The following CREB5 variants were observed in gnomAD, a reference collection of about 807,000 sequenced individuals.
CREB5 encodes cyclic AMP-responsive element-binding protein 5.
In CREB5, 19 loss-of-function variants were observed where a neutral mutation model predicts 57.1. The observed-to-expected ratio is 0.33, with a 90% confidence interval of 0.23 to 0.49. The LOEUF (loss-of-function observed/expected upper bound fraction) is 0.49. CREB5 is among the 20% of genes least tolerant of loss of function. The pLI is 0.99. For missense variants in CREB5, 579 were observed against 671.6 expected (o/e 0.86, Z 1.52); for synonymous variants, 238 against 238.3 (o/e 1.00, Z 0.01).
At chr7:28,529,816 C>G (rs1793643733) in intron 4 of CREB5, among the ~76,000 whole-genome samples, 1 of 152,194 alleles carries the variant, frequency 6.6e-6, no homozygotes, top group South Asian at 2.1e-4. Flanking sequence ...AAGACATGCT[C>G]AGCTCCAACA....
rs996003315 is a variant in CREB5 at position 28,355,937 on chromosome 7, C to T, written c.-25+56496C>T. 3.3e-5 allele frequency among the ~76,000 whole-genome samples: 5 copies of T among 152,264 alleles called. No homozygotes were observed. The South Asian group carries it at 6.2e-4, about 19-fold the overall frequency. On this transcript the variant is annotated intron_variant, in intron 1 of 9. Transcript: ENST00000396299. Reference sequence around the variant, plus strand: ...TTCTGAAGAAACGAGTGACTCAAGTCGTCCATCAGGGCAATTCGTTGTGAG... The same window carrying T: ...TTCTGAAGAAACGAGTGACTCAAGTTGTCCATCAGGGCAATTCGTTGTGAG...
chr7:28,405,875 A>T (rs1787568668), intron 1 of CREB5, among the ~76,000 whole-genome samples: 1 of 152,118 alleles, frequency 6.6e-6, no homozygotes, highest in Admixed American at 6.6e-5. Flanking sequence ...GTAGGTGGGG[A>T]GTTCCCCAGA....
chr7:28,739,612 G>T (rs555148816), intron 7 of CREB5, among the ~76,000 whole-genome samples: 1 of 152,322 alleles, frequency 6.6e-6, no homozygotes, highest in African/African-American at 2.4e-5. Flanking sequence ...CAAGGTAGGG[G>T]TCATAAAATA....
intron 1 of CREB5, among the ~76,000 whole-genome samples, chr7:28,318,520 T>G (rs759511652): frequency 1.4e-4 from 21 of 152,252 alleles, no homozygotes; most frequent in Non-Finnish European, 2.4e-4. Flanking sequence ...AGAAAAAGTA[T>G]GACTAACAAT....
intron 2 of CREB5, among the ~76,000 whole-genome samples, chr7:28,490,042 A>G (rs1583529480): frequency 6.6e-6 from 1 of 152,240 alleles, no homozygotes; most frequent in East Asian, 1.9e-4. Context: ...AAAGGGAATC[A>G]GATAATTTGA....
chr7:28,588,288 C>T (rs1796372484), intron 5 of CREB5, among the ~76,000 whole-genome samples: 1 of 152,200 alleles, frequency 6.6e-6, no homozygotes, highest in African/African-American at 2.4e-5. Flanking sequence ...AAGGCCTCTG[C>T]TGTTCATGGT....
chr7:28,314,667 G>A (rs1031848186), intron 1 of CREB5, among the ~76,000 whole-genome samples: 3 of 152,280 alleles, frequency 2.0e-5, no homozygotes, highest in African/African-American at 7.2e-5. Context: ...TTAGTGAGCA[G>A]CGACACACTA....
intron 1 of CREB5, among the ~76,000 whole-genome samples, chr7:28,377,478 T>C (rs1183142501): frequency 6.6e-6 from 1 of 152,084 alleles, no homozygotes. Flanking sequence ...TGGCATTATA[T>C]TCCTACTAGA....
rs34257489 is a variant in CREB5 at position 28,756,557 on chromosome 7, CA to C, written c.702+32238del. Among the ~76,000 whole-genome samples, 61 of 140,674 alleles carry C rather than the reference CA, an allele frequency of 4.3e-4. 1 individual carries two copies. The highest frequency in any genetic ancestry group is 1.5e-3 in the Admixed American group (21 of 14,326). 92.3% of individuals were successfully genotyped at this position (140,674 alleles called of 152,430 possible). A position where few individuals can be genotyped will look rare whatever the true frequency, so the allele number is the denominator to read the frequency against. On this transcript the variant is annotated intron_variant, in intron 7 of 10. Transcript: ENST00000357727. ...GGCAACAAGAGGGGAATTCCATCTC[CA>C]AAAAAAAAAAAACAGCACATTGAGT...
chr7:28,321,826 C>T (rs956953981), intron 1 of CREB5, among the ~76,000 whole-genome samples: 5 of 152,260 alleles, frequency 3.3e-5, no homozygotes, highest in African/African-American at 4.8e-5. Context: ...CACAGAGCGC[C>T]GATGCTCCAA....
At chr7:28,332,924 T>C (rs939280313) in intron 1 of CREB5, among the ~76,000 whole-genome samples, 2 of 152,246 alleles carry the variant, frequency 1.3e-5, no homozygotes, top group African/African-American at 2.4e-5. Context: ...CATAAGATAC[T>C]GTATATATCA....
intron 2 of CREB5, among the ~76,000 whole-genome samples, chr7:28,490,496 T>C (rs2128595617): frequency 6.6e-6 from 1 of 152,336 alleles, no homozygotes; most frequent in South Asian, 2.1e-4. Context: ...AGGAAGGGGC[T>C]GTAAGCCATA....
chr7:28,716,107 C>A (rs1365342456), intron 5 of CREB5, among the ~76,000 whole-genome samples: 7 of 151,976 alleles, frequency 4.6e-5, no homozygotes, highest in Admixed American at 4.6e-4. Flanking sequence ...ATTCGCGTAA[C>A]CATTAAGTTG....
At chr7:28,717,424 T>C (rs113132594) in intron 5 of CREB5, among the ~76,000 whole-genome samples, 1 of 151,940 alleles carries the variant, frequency 6.6e-6, no homozygotes, top group African/African-American at 2.4e-5. Context: ...GCAAAAAGAG[T>C]GGAAAACTTT....
chr7:28,750,050 T>G (rs1425551075), intron 7 of CREB5, among the ~76,000 whole-genome samples: 1 of 152,180 alleles, frequency 6.6e-6, no homozygotes, highest in African/African-American at 2.4e-5. Context: ...GTATGTTTCC[T>G]AACTGTTGGT....
At chr7:28,739,044 T>C (rs1209920643) in intron 7 of CREB5, among the ~76,000 whole-genome samples, 1 of 152,152 alleles carries the variant, frequency 6.6e-6, no homozygotes, top group Non-Finnish European at 1.5e-5. Context: ...AAGTATGTTG[T>C]GATAAATATT....
At chr7:28,589,990 T>C (rs563565518) in intron 5 of CREB5, among the ~76,000 whole-genome samples, 1 of 152,336 alleles carries the variant, frequency 6.6e-6, no homozygotes, top group Admixed American at 6.5e-5. Flanking sequence ...GACTCAGCTT[T>C]GTCATCATAA....
intron 1 of CREB5, among the ~76,000 whole-genome samples, chr7:28,439,562 G>A (rs1174363150): frequency 6.6e-6 from 1 of 152,126 alleles, no homozygotes; most frequent in Non-Finnish European, 1.5e-5. Context: ...AGTTTGCAGA[G>A]GAGGAACCTG....
At chr7:28,501,385 A>G in intron 3 of CREB5, among the ~76,000 whole-genome samples, 1 of 152,224 alleles carries the variant, frequency 6.6e-6, no homozygotes, top group East Asian at 1.9e-4. Flanking sequence ...ATAGAATGTA[A>G]GTGTTACTGG....
Sources: allele counts gnomAD v4.1 joint callset (sites outside exome capture counted in the v4.1 genomes callset), GRCh38; gene constraint gnomAD v4.1.1; transcripts MANE v1.5; gene names NCBI Gene and HGNC (gene_info 2026-07-23, HGNC 2026-07-21).